The following MYO9A variants were observed in gnomAD, a reference collection of about 807,000 sequenced individuals.
MYO9A encodes the protein myosin IXA.
In MYO9A, 103 loss-of-function variants were observed where a neutral mutation model predicts 293.3. That is an observed-to-expected ratio of 0.35 (90% CI 0.30 to 0.41). MYO9A has a LOEUF of 0.41. MYO9A is among the 10% of genes least tolerant of loss of function. The probability of loss-of-function intolerance (pLI) is 1.00; values close to 1 mark genes in which losing one functional copy is unlikely to be tolerated. For synonymous variants in MYO9A, 1,001 were observed against 1,035.7 expected (o/e 0.97, Z 0.64); for missense variants, 2,685 against 3,033.0 (o/e 0.89, Z 2.69).
chr15:71,954,043 G>C (rs986162822), intron 14 of MYO9A, among the ~76,000 whole-genome samples: 1 of 149,772 alleles, frequency 6.7e-6, no homozygotes, highest in Non-Finnish European at 1.5e-5. Flanking sequence ...CTACAGGCAC[G>C]CACCACCATG....
intron 19 of MYO9A, among the ~76,000 whole-genome samples, chr15:71,906,926 C>A (rs1596159702): frequency 6.7e-6 from 1 of 148,650 alleles, no homozygotes; most frequent in Admixed American, 6.7e-5. Context: ...CCACACCCGG[C>A]TAATTTTTTT....
At chr15:71,878,359 C>G (rs374029143) in intron 30 of MYO9A, 128 bp from the exon 31 acceptor site, 86 of 593,892 alleles carry the variant, frequency 1.4e-4, no homozygotes, top group African/African-American at 1.4e-3. Flanking sequence ...TTCTAATGAG[C>G]ATGCCCATGA....
chr15:71,924,874 C>A (rs1462736286), intron 18 of MYO9A, among the ~76,000 whole-genome samples: 1 of 151,018 alleles, frequency 6.6e-6, no homozygotes, highest in Admixed American at 6.6e-5. Flanking sequence ...AAGCCGAGAT[C>A]GTGTCACTGC....
At chr15:72,060,535 G>A (rs1470589031) in intron 1 of MYO9A, among the ~76,000 whole-genome samples, 1 of 152,186 alleles carries the variant, frequency 6.6e-6, no homozygotes, top group Non-Finnish European at 1.5e-5. Context: ...CTGTGGGAGA[G>A]ATAGCACAGA....
At chr15:72,061,172 G>T (rs540643278) in intron 1 of MYO9A, among the ~76,000 whole-genome samples, 1 of 152,220 alleles carries the variant, frequency 6.6e-6, no homozygotes, top group South Asian at 2.1e-4. Flanking sequence ...AAAAACTTCA[G>T]TAGCCAGCAG....
intron 13 of MYO9A, among the ~76,000 whole-genome samples, chr15:71,967,670 A>G (rs1263059181): frequency 6.6e-6 from 1 of 152,178 alleles, no homozygotes; most frequent in Non-Finnish European, 1.5e-5. Context: ...GAGAAGGGAA[A>G]AATTCAACAA....
intron 11 of MYO9A, among the ~76,000 whole-genome samples, chr15:71,986,603 T>A (rs1480189443): frequency 1.3e-5 from 2 of 152,186 alleles, no homozygotes; most frequent in Non-Finnish European, 2.9e-5. Flanking sequence ...TGGTAATATG[T>A]ATGTATACAT....
chr15:71,974,673 G>A (rs1168161383), intron 12 of MYO9A, among the ~76,000 whole-genome samples: 2 of 152,198 alleles, frequency 1.3e-5, no homozygotes, highest in African/African-American at 2.4e-5. Context: ...GCATAATGGG[G>A]GTGGGTTGTA....
chr15:71,869,075 A>G (rs1293499078), intron 32 of MYO9A, among the ~76,000 whole-genome samples: 1 of 152,186 alleles, frequency 6.6e-6, no homozygotes, highest in Non-Finnish European at 1.5e-5. Context: ...AATTTTTAAA[A>G]AATCACTATT....
At chr15:71,940,813 G>A (rs1567297794) in intron 15 of MYO9A, among the ~76,000 whole-genome samples, 1 of 152,146 alleles carries the variant, frequency 6.6e-6, no homozygotes, top group African/African-American at 2.4e-5. Context: ...AAACAATCTT[G>A]CAAACAATCT....
At chr15:72,118,239 C>T (rs2081080690), upstream of MYO9A, 2 of 333,044 alleles carry the variant, frequency 6.0e-6, no homozygotes, top group Non-Finnish European at 1.1e-5. Context: ...GTACAGCGTG[C>T]GCTTGCGCAG....
intron 1 of MYO9A, among the ~76,000 whole-genome samples, chr15:72,077,718 A>G (rs1183116653): frequency 7.5e-6 from 1 of 133,192 alleles, no homozygotes; most frequent in Non-Finnish European, 1.6e-5. Context: ...CAACAGAGTG[A>G]GACTCTGTCT....
At chr15:72,043,005 G>A (rs2078271770) in intron 2 of MYO9A, among the ~76,000 whole-genome samples, 1 of 152,034 alleles carries the variant, frequency 6.6e-6, no homozygotes, top group Non-Finnish European at 1.5e-5. Flanking sequence ...GGAGATCGAG[G>A]CTGCAGTGAG....
chr15:71,842,368 C>T (rs2055197613), intron 39 of MYO9A, among the ~76,000 whole-genome samples: 1 of 151,514 alleles, frequency 6.6e-6, no homozygotes, highest in African/African-American at 2.4e-5. Flanking sequence ...CAGAGCGAGA[C>T]TCTGTCTCAA....
rs1442111066 is a variant in MYO9A, at chr15:71,904,834, GT to G, written c.2766+91del. ...ATTTTCCTTATAAATATTATAGTTAGTGCTTCCCCTCCACTTATTCTGCTTA... is the reference window on the plus strand; with the variant it reads ...ATTTTCCTTATAAATATTATAGTTAGGCTTCCCCTCCACTTATTCTGCTTA... On this transcript the variant is annotated intron_variant, in intron 20 of 41. Transcript: ENST00000356056. 8.9e-6 allele frequency: 7 copies of G among 790,604 alleles called. No homozygotes were observed. The East Asian group carries it at 1.6e-4, about 18-fold the overall frequency. The allele number at this position is 790,604 out of a possible 1,614,324, so 49.0% of individuals were successfully genotyped here. A position where few individuals can be genotyped will look rare whatever the true frequency, so the allele number is the denominator to read the frequency against.
intron 1 of MYO9A, among the ~76,000 whole-genome samples, chr15:72,080,135 G>A (rs2079495045): frequency 1.3e-5 from 2 of 152,056 alleles, no homozygotes; most frequent in South Asian, 4.1e-4. Flanking sequence ...CCTCCCTGGT[G>A]TAGATGCTGA....
intron 12 of MYO9A, among the ~76,000 whole-genome samples, chr15:71,972,979 T>C (rs2076052542): frequency 6.6e-6 from 1 of 152,172 alleles, no homozygotes; most frequent in African/African-American, 2.4e-5. Context: ...TAAATAGCCA[T>C]AAAACTAGCT....
At chr15:72,101,850 C>T (rs552534371) in intron 1 of MYO9A, among the ~76,000 whole-genome samples, 2 of 150,220 alleles carry the variant, frequency 1.3e-5, no homozygotes, top group East Asian at 2.0e-4. Flanking sequence ...CCAGCCGCCC[C>T]GTCCGGGAGG....
intron 19 of MYO9A, among the ~76,000 whole-genome samples, chr15:71,913,436 A>G (rs920064921): frequency 5.3e-5 from 8 of 152,164 alleles, no homozygotes; most frequent in Non-Finnish European, 8.8e-5. Flanking sequence ...CTCTGTCATC[A>G]CCTTCCAAAA....
Sources: gnomAD v4.1 joint callset for allele counts (sites outside exome capture counted in the v4.1 genomes callset) on GRCh38, gnomAD v4.1.1 for gene constraint, MANE v1.5 for transcripts, NCBI Gene and HGNC (gene_info 2026-07-23, HGNC 2026-07-21) for gene names.